Variants in MAGEC3 observed in about 807,000 individuals in gnomAD.
The protein encoded by MAGEC3 is melanoma-associated antigen C3.
In MAGEC3, 34 loss-of-function variants were observed where a neutral mutation model predicts 35.3. That is an observed-to-expected ratio of 0.96 (90% CI 0.73 to 1.28). The LOEUF (loss-of-function observed/expected upper bound fraction) is 1.28, where lower values mean the gene tolerates loss of function less well. Among genes scored for constraint, MAGEC3 ranks in the 50% most tolerant of loss-of-function variants. The pLI, the probability that MAGEC3 is intolerant of heterozygous loss-of-function variation, is 0.00. For synonymous variants in MAGEC3, 202 were observed against 185.6 expected, an observed-to-expected ratio of 1.09 and a Z score of -0.72; for missense variants, 561 against 483.6, an observed-to-expected ratio of 1.16 and a Z score of -1.50.
intron 1 of MAGEC3, among the ~76,000 whole-genome samples, chrX:141,862,834 G>T (rs2017823794): frequency 8.9e-6 from 1 of 111,838 alleles, no homozygotes; most frequent in Admixed American, 9.5e-5. Flanking sequence ...TGGTTAGTGG[G>T]TACAAACATA....
chrX:141,882,364 T>C (rs774960217), intron 4 of MAGEC3, among the ~76,000 whole-genome samples: 1 of 112,286 alleles, frequency 8.9e-6, no homozygotes, highest in East Asian at 2.8e-4. Context: ...TTTATAAATA[T>C]TAGTCACACA....
chrX:141,843,564 A>AT (rs1362013505), intron 1 of MAGEC3, among the ~76,000 whole-genome samples: 1 of 111,148 alleles, frequency 9.0e-6, no homozygotes, highest in East Asian at 2.8e-4. Flanking sequence ...TTCAAACTAT[A>AT]TATCACCCCA....
intron 1 of MAGEC3, among the ~76,000 whole-genome samples, chrX:141,849,535 T>C (rs1220694330): frequency 9.0e-6 from 1 of 110,589 alleles, no homozygotes; most frequent in Non-Finnish European, 1.9e-5. Flanking sequence ...CCAGAATCTA[T>C]AAGGAACTTA....
intron 1 of MAGEC3, among the ~76,000 whole-genome samples, chrX:141,840,317 T>C (rs1285784085): frequency 8.9e-6 from 1 of 112,150 alleles, no homozygotes; most frequent in Non-Finnish European, 1.9e-5. Context: ...TCTAAATAAA[T>C]GACAAGTAGA....
intron 1 of MAGEC3, 41 bp from the exon 2 acceptor site, chrX:141,865,430 T>G: frequency 8.6e-7 from 1 of 1,159,342 alleles, no homozygotes; most frequent in Admixed American, 2.3e-5. Flanking sequence ...AGGTAGAGGT[T>G]GCCCCAGCCT....
intron 4 of MAGEC3, among the ~76,000 whole-genome samples, chrX:141,892,800 A>G (rs944830499): frequency 7.2e-5 from 8 of 111,749 alleles, no homozygotes; most frequent in Middle Eastern, 4.6e-3. Context: ...GCTTTTTCAG[A>G]TGCAACACTA....
chrX:141,880,725 T>C, intron 3 of MAGEC3: 1 of 661,280 alleles, frequency 1.5e-6, no homozygotes, highest in Non-Finnish European at 2.3e-6. Context: ...CTGCCAGCTG[T>C]GCCCCGAGGT....
At chrX:141,877,598 C>T (rs1387327991) in intron 2 of MAGEC3, among the ~76,000 whole-genome samples, 3 of 111,510 alleles carry the variant, frequency 2.7e-5, no homozygotes, top group Non-Finnish European at 5.6e-5. Flanking sequence ...ATTTACTGCT[C>T]TTTGGATTAC....
chrX:141,891,460 C>T (rs931001411), intron 4 of MAGEC3, among the ~76,000 whole-genome samples: 10 of 110,089 alleles, frequency 9.1e-5, no homozygotes, highest in African/African-American at 3.3e-4. Flanking sequence ...TTTTATTAGG[C>T]TTACTTTAAT....
intron 4 of MAGEC3, among the ~76,000 whole-genome samples, chrX:141,893,640 CACTG>C (rs2124127657): frequency 1.2e-5 from 1 of 85,890 alleles, no homozygotes; most frequent in East Asian, 3.4e-4. Flanking sequence ...TAATAGGAGA[CACTG>C]TGTGTGTGTG....
Position 141,838,937 on chromosome X carries a change from G to T in MAGEC3, c.123+499G>T, listed in dbSNP as rs2017669669. On this transcript the variant is annotated intron_variant, in intron 1 of 7. Coordinates refer to ENST00000298296, the MANE Select transcript of MAGEC3 (RefSeq NM_138702.1). ...CAGGGCTCTAAAATGGTACTTTGTT[G>T]TAGCTGCTTAAGTCTCAAGAAGTGT... The T allele has an allele frequency of 4.7e-6, 3 of 644,722 alleles. No homozygotes were observed. The South Asian group carries it at 2.4e-4, about 52-fold the overall frequency. 53.1% of individuals were successfully genotyped at this position (644,722 alleles called of 1,213,427 possible).
At chrX:141,844,890 T>G (rs915290009) in intron 1 of MAGEC3, among the ~76,000 whole-genome samples, 2 of 110,794 alleles carry the variant, frequency 1.8e-5, no homozygotes, top group Admixed American at 9.6e-5. Flanking sequence ...TTTTTTCTCA[T>G]TAGCTCACAA....
chrX:141,886,387 C>T (rs192523192), intron 4 of MAGEC3, among the ~76,000 whole-genome samples: 2 of 111,175 alleles, frequency 1.8e-5, no homozygotes, highest in African/African-American at 6.5e-5. Context: ...GGAAGGACTC[C>T]ACTACACTAT....
chrX:141,861,677 A>T (rs1188331611), intron 1 of MAGEC3, among the ~76,000 whole-genome samples: 1 of 111,968 alleles, frequency 8.9e-6, no homozygotes, highest in Non-Finnish European at 1.9e-5. Flanking sequence ...ACACTGGGGA[A>T]AGGGCAGCCT....
At position 141,897,383 on chromosome X, in the gene MAGEC3, G is replaced by T. The variant is rs1052153554; in HGVS notation, c.1625G>T (p.Gly542Val). ...TYEGSLIDDQ[G>V]MPKNCLLILI... Reference sequence around the variant, plus strand: ...GAGGGAAGCCTGATTGATGACCAGGGCATGCCCAAGAACTGTCTCCTGATT... The same window carrying T: ...GAGGGAAGCCTGATTGATGACCAGGTCATGCCCAAGAACTGTCTCCTGATT... The change falls in exon 7 of 8, where the codon GGC becomes GTC. Residue 542 changes from glycine (G) to valine (V), a missense_variant. By Grantham distance (109) the Gly-to-Val change is moderately radical. Transcript: ENST00000298296. 8.3e-7 allele frequency: 1 copy of T among 1,210,089 alleles called. No individual in the cohort carries two copies. Among genetic ancestry groups the T allele is most frequent in the African/African-American group, 1.7e-5 (1 of 57,158 alleles).
At chrX:141,885,265 G>A (rs752163435) in intron 4 of MAGEC3, among the ~76,000 whole-genome samples, 2 of 110,995 alleles carry the variant, frequency 1.8e-5, no homozygotes, top group Admixed American at 9.6e-5. Flanking sequence ...GGATATTAAG[G>A]GTGTGGGATA....
At chrX:141,870,001 CA>C (rs2017877630) in intron 2 of MAGEC3, among the ~76,000 whole-genome samples, 1 of 110,923 alleles carries the variant, frequency 9.0e-6, no homozygotes, top group African/African-American at 3.3e-5. Flanking sequence ...GTGCAGTACC[CA>C]AAAGCCAGGG....
chrX:141,871,793 C>T (rs1041138947), intron 2 of MAGEC3, among the ~76,000 whole-genome samples: 38 of 110,279 alleles, frequency 3.4e-4, no homozygotes, highest in Non-Finnish European at 6.6e-4. Flanking sequence ...AGCCACTTCC[C>T]AGAGAGGGAG....
intron 4 of MAGEC3, among the ~76,000 whole-genome samples, chrX:141,888,334 C>T (rs186321480): frequency 2.2e-4 from 25 of 112,267 alleles, no homozygotes; most frequent in East Asian, 1.7e-3. Flanking sequence ...GGCAGAACTT[C>T]GAGCAGTGCA....
Sources: allele counts gnomAD v4.1 joint callset (sites outside exome capture counted in the v4.1 genomes callset), GRCh38; gene constraint gnomAD v4.1.1; transcripts MANE v1.5; gene names NCBI Gene and HGNC (gene_info 2026-07-23, HGNC 2026-07-21).